Variants in PARPBP observed in about 807,000 individuals in gnomAD.
PARPBP encodes PCNA-interacting partner.
PARPBP carries 52 observed loss-of-function variants against 50.0 expected under a neutral mutation model. The observed-to-expected ratio is 1.04, with a 90% CI of 0.83 to 1.31. The LOEUF (loss-of-function observed/expected upper bound fraction) is 1.31. Among genes scored for constraint, PARPBP ranks in the 50% most tolerant of loss-of-function variants. The pLI is 0.00. For synonymous variants in PARPBP, 244 were observed against 232.1 expected (o/e 1.05, Z -0.47); for missense variants, 697 against 672.0 (o/e 1.04, Z -0.41).
intron 9 of PARPBP, 91 bp from the exon 10 acceptor site, chr12:102,195,221 A>G (rs570666492): frequency 9.3e-4 from 664 of 717,478 alleles, no homozygotes; most frequent in Non-Finnish European, 1.2e-3. Context: ...AAATTTTTAT[A>G]CCTTGATTAC....
At chr12:102,128,975 T>C (rs1489299238) in intron 2 of PARPBP, among the ~76,000 whole-genome samples, 1 of 152,210 alleles carries the variant, frequency 6.6e-6, no homozygotes, top group Non-Finnish European at 1.5e-5. Context: ...TTAACACTTT[T>C]ATCTTTTCAA....
At chr12:102,138,528 T>C (rs562233092) in intron 2 of PARPBP, among the ~76,000 whole-genome samples, 2 of 152,232 alleles carry the variant, frequency 1.3e-5, no homozygotes, top group Non-Finnish European at 2.9e-5. Context: ...CATTTATCAA[T>C]TTTGGCTGGT....
At chr12:102,167,952 A>G (rs140351496) in intron 6 of PARPBP, among the ~76,000 whole-genome samples, 172 of 152,232 alleles carry the variant, frequency 1.1e-3, no homozygotes, top group Non-Finnish European at 1.6e-3. Flanking sequence ...AGCCATCAGT[A>G]TTGCCTTCAA....
chr12:102,121,585 ACT>A, intron 1 of PARPBP, among the ~76,000 whole-genome samples: 1 of 117,412 alleles, frequency 8.5e-6, no homozygotes, highest in East Asian at 2.4e-4. Context: ...ACAGAGTCTC[ACT>A]CTGTCACCTA....
chr12:102,138,326 T>A (rs1249947729), intron 2 of PARPBP, among the ~76,000 whole-genome samples: 3 of 152,246 alleles, frequency 2.0e-5, no homozygotes, highest in African/African-American at 7.2e-5. Flanking sequence ...TCTGTTCATA[T>A]CCTTTGTGCA....
chr12:102,150,908 T>C lies in PARPBP; in HGVS notation c.387+2445T>C, dbSNP rs181332556. Among the ~76,000 whole-genome samples, 703 of 152,328 alleles carry C rather than the reference T, an allele frequency of 4.6e-3. 3 individuals carry two copies. The highest frequency in any genetic ancestry group is 5.3e-3 in the Non-Finnish European group (362 of 68,024). ...GGTGAGGCTTGGGAGAACACAAGACTCTTCCTTAGCCTCAGCAGATGACTG... is the reference window on the plus strand; with the variant it reads ...GGTGAGGCTTGGGAGAACACAAGACCCTTCCTTAGCCTCAGCAGATGACTG... On this transcript the variant is annotated intron_variant, in intron 3 of 10. Coordinates refer to ENST00000327680, the MANE Select transcript of PARPBP (RefSeq NM_017915.5).
Position 102,197,464 on chromosome 12 carries a change from T to C in PARPBP, c.*1173T>C, listed in dbSNP as rs1341647459. 2.0e-6 allele frequency: 3 copies of C among 1,468,512 alleles called. No homozygotes were observed. Among genetic ancestry groups the C allele is most frequent in the East Asian group, 4.5e-5 (2 of 44,124 alleles). 91.0% of individuals were successfully genotyped at this position (1,468,512 alleles called of 1,614,324 possible). On this transcript the variant is annotated 3_prime_UTR_variant, in exon 11 of 11. Coordinates refer to ENST00000327680, the MANE Select transcript of PARPBP (RefSeq NM_017915.5). ...AGTATCAGTTTTACTTTTCAGAGGA[T>C]TTGTAAGAATCATTTAAATTTTCAT...
At chr12:102,158,379 A>G (rs955058357) in intron 4 of PARPBP, among the ~76,000 whole-genome samples, 2 of 152,132 alleles carry the variant, frequency 1.3e-5, no homozygotes, top group African/African-American at 2.4e-5. Flanking sequence ...TCATGAATTT[A>G]TATTTATTCA....
chr12:102,170,891 T>G (rs192427499), intron 6 of PARPBP, among the ~76,000 whole-genome samples: 63 of 150,806 alleles, frequency 4.2e-4, no homozygotes, highest in African/African-American at 1.5e-3. Context: ...TATGCTTTTC[T>G]CTGTTTAATT....
chr12:102,123,575 A>G (rs986884489), intron 1 of PARPBP, among the ~76,000 whole-genome samples: 1 of 151,586 alleles, frequency 6.6e-6, no homozygotes, highest in Admixed American at 6.6e-5. Flanking sequence ...TACAGCTTTA[A>G]TTAGGTATAT....
intron 3 of PARPBP, chr12:102,150,389 CCAAA>C (rs1886031352): frequency 2.7e-6 from 1 of 367,412 alleles, no homozygotes. Context: ...TTAGAATATT[CCAAA>C]CAGTTTTGAA....
chr12:102,150,194 G>A, intron 3 of PARPBP: 1 of 454,312 alleles, frequency 2.2e-6, no homozygotes, highest in South Asian at 1.6e-5. Flanking sequence ...AGTACATGAA[G>A]TAGAAAATGT....
intron 4 of PARPBP, among the ~76,000 whole-genome samples, chr12:102,163,862 A>G (rs1197425076): frequency 6.6e-6 from 1 of 152,108 alleles, no homozygotes; most frequent in Non-Finnish European, 1.5e-5. Context: ...TTTCCTGTTA[A>G]TATCTTGAAC....
chr12:102,120,433 C>T (rs1416429816), intron 1 of PARPBP, 147 bp downstream of exon 1: 1 of 456,132 alleles, frequency 2.2e-6, no homozygotes, highest in African/African-American at 2.0e-5. Context: ...ACTTGACGCT[C>T]GAGCCTGGTT....
rs567288794 is a variant in PARPBP, at chr12:102,145,905, G to A, written c.154-2325G>A. On this transcript the variant is annotated intron_variant, in intron 2 of 10. Coordinates refer to ENST00000327680, the MANE Select transcript of PARPBP (RefSeq NM_017915.5). ...CTTAGCCAAAAGGCCGAGAAGCAAT[G>A]GCTCAAGGTTTTAGCACTGATGTTT... 1.2e-4 allele frequency among the ~76,000 whole-genome samples: 18 copies of A among 152,254 alleles called. No individual in the cohort carries two copies. The South Asian group carries it at 3.5e-3, about 30-fold the overall frequency.
intron 9 of PARPBP, among the ~76,000 whole-genome samples, chr12:102,190,190 CT>C (rs905448786): frequency 1.3e-5 from 2 of 152,116 alleles, no homozygotes; most frequent in Non-Finnish European, 2.9e-5. Flanking sequence ...AGTCTGTTCT[CT>C]TTTTCCACCT....
intron 4 of PARPBP, among the ~76,000 whole-genome samples, chr12:102,155,829 C>T (rs997284353): frequency 7.2e-5 from 11 of 152,188 alleles, no homozygotes; most frequent in South Asian, 2.1e-4. Context: ...GTAGGATGTC[C>T]GCTGTGCTCC....
intron 2 of PARPBP, among the ~76,000 whole-genome samples, chr12:102,128,532 G>T (rs2137250509): frequency 6.6e-6 from 1 of 152,186 alleles, no homozygotes. Flanking sequence ...TGCCCGGCCT[G>T]TAAGTTCAAC....
intron 2 of PARPBP, among the ~76,000 whole-genome samples, chr12:102,139,907 G>A (rs538035650): frequency 6.9e-4 from 105 of 152,192 alleles, no homozygotes; most frequent in Admixed American, 2.9e-3. Context: ...GAGGATTTTC[G>A]CATGGATGTT....
Sources: gnomAD v4.1 joint callset for allele counts (sites outside exome capture counted in the v4.1 genomes callset) on GRCh38, gnomAD v4.1.1 for gene constraint, MANE v1.5 for transcripts, NCBI Gene and HGNC (gene_info 2026-07-23, HGNC 2026-07-21) for gene names.